The following TNFAIP8 variants were observed in gnomAD, a reference collection of about 807,000 sequenced individuals.
The protein encoded by TNFAIP8 is TNF alpha induced protein 8.
Under a neutral mutation model 13.3 loss-of-function variants are expected in TNFAIP8, and 7 were observed. The ratio of observed to expected loss-of-function variants is 0.52; its 90% CI spans 0.30 to 0.99. The LOEUF is 0.99. TNFAIP8 is among the 50% of genes least tolerant of loss of function. The pLI is 0.07. For synonymous variants in TNFAIP8, 94 were observed against 87.6 expected (o/e 1.07, Z -0.41); for missense variants, 258 against 236.9 (o/e 1.09, Z -0.58).
intron 1 of TNFAIP8, chr5:119,306,608 T>G (rs1749575420): frequency 6.6e-6 from 1 of 152,210 alleles, no homozygotes; most frequent in African/African-American, 2.4e-5. Context: ...GCTGGGACTA[T>G]GGGCACATGC....
At chr5:119,293,039 C>T (rs1749047409) in intron 1 of TNFAIP8, among the ~76,000 whole-genome samples, 1 of 152,032 alleles carries the variant, frequency 6.6e-6, no homozygotes, top group African/African-American at 2.4e-5. Flanking sequence ...TCACCAATGG[C>T]AGGAGTCCTT....
rs1195297133 is a variant in TNFAIP8, at chr5:119,398,986, A to T, written c.*5605A>T. On this transcript the variant is annotated 3_prime_UTR_variant, in exon 2 of 2. Coordinates refer to ENST00000504771, the MANE Select transcript of TNFAIP8 (RefSeq NM_014350.4). ...ATAAATACCTGCTAAGCAAATTATA[A>T]AATACTATAAGACATTTAATCTCCT... is the stretch of plus-strand genomic sequence containing the variant. 6.6e-6 allele frequency: 1 copy of T among 152,148 alleles called. No individual in the cohort carries two copies. The highest frequency in any genetic ancestry group is 2.4e-5 in the African/African-American group (1 of 41,370). The allele number at this position is 152,148 out of a possible 1,614,324, so 9.4% of individuals were successfully genotyped here.
intron 1 of TNFAIP8, among the ~76,000 whole-genome samples, chr5:119,382,370 G>A (rs1752518259): frequency 6.6e-6 from 1 of 152,066 alleles, no homozygotes; most frequent in South Asian, 2.1e-4. Context: ...TGGAGAAGAG[G>A]GATAGTGTTA....
chr5:119,331,338 T>A (rs1250641779), intron 1 of TNFAIP8, among the ~76,000 whole-genome samples: 1 of 152,092 alleles, frequency 6.6e-6, no homozygotes, highest in African/African-American at 2.4e-5. Flanking sequence ...CTGTGATGAC[T>A]CTTCTTTGTT....
chr5:119,332,538 T>C (rs547587840), intron 1 of TNFAIP8, among the ~76,000 whole-genome samples: 1 of 152,200 alleles, frequency 6.6e-6, no homozygotes, highest in East Asian at 1.9e-4. Flanking sequence ...AAGCTTACCA[T>C]GTAGGGAGAG....
At chr5:119,275,819 C>T (rs1424675611) in intron 1 of TNFAIP8, among the ~76,000 whole-genome samples, 7 of 151,256 alleles carry the variant, frequency 4.6e-5, no homozygotes, top group Non-Finnish European at 5.9e-5. Context: ...AGATTGACAG[C>T]TTTTTTTTTC....
intron 1 of TNFAIP8, among the ~76,000 whole-genome samples, chr5:119,358,069 C>T (rs570191879): frequency 2.0e-5 from 3 of 150,064 alleles, no homozygotes; most frequent in Admixed American, 2.0e-4. Flanking sequence ...TCTTCTCTAT[C>T]GTTACTAGTC....
chr5:119,300,982 A>G (rs937198161), intron 1 of TNFAIP8, among the ~76,000 whole-genome samples: 1 of 152,174 alleles, frequency 6.6e-6, no homozygotes, highest in Non-Finnish European at 1.5e-5. Context: ...TAAAAGCATT[A>G]CAAGTGGGCC....
intron 1 of TNFAIP8, among the ~76,000 whole-genome samples, chr5:119,389,688 G>A (rs1248332534): frequency 6.6e-6 from 1 of 152,122 alleles, no homozygotes; most frequent in Non-Finnish European, 1.5e-5. Context: ...CTTGGTGGAG[G>A]GGGAGAAAGA....
chr5:119,330,289 A>G (rs1204595078), intron 1 of TNFAIP8, among the ~76,000 whole-genome samples: 1 of 152,218 alleles, frequency 6.6e-6, no homozygotes, highest in East Asian at 1.9e-4. Context: ...GGTGTTTTGT[A>G]GACATTTCCA....
intron 1 of TNFAIP8, among the ~76,000 whole-genome samples, chr5:119,290,019 C>T (rs1175264973): frequency 6.6e-6 from 1 of 152,176 alleles, no homozygotes; most frequent in African/African-American, 2.4e-5. Context: ...CTAATGATTA[C>T]TAAATGTCTT....
intron 1 of TNFAIP8, among the ~76,000 whole-genome samples, chr5:119,365,818 C>T (rs573391718): frequency 6.6e-6 from 1 of 152,256 alleles, no homozygotes; most frequent in East Asian, 1.9e-4. Context: ...GACTCAACAT[C>T]TTCAGAAGAA....
At chr5:119,322,585 A>G (rs1750093905) in intron 1 of TNFAIP8, among the ~76,000 whole-genome samples, 1 of 152,190 alleles carries the variant, frequency 6.6e-6, no homozygotes, top group African/African-American at 2.4e-5. Context: ...AAACGAGTCC[A>G]TGCTGCTCCC....
At chr5:119,334,655 G>A (rs570691660) in intron 1 of TNFAIP8, among the ~76,000 whole-genome samples, 1 of 149,734 alleles carries the variant, frequency 6.7e-6, no homozygotes, top group South Asian at 2.1e-4. Flanking sequence ...GTGTGTGTGT[G>A]TGTGTATACC....
chr5:119,349,298 A>G (rs1404186103), intron 1 of TNFAIP8, among the ~76,000 whole-genome samples: 2 of 152,230 alleles, frequency 1.3e-5, no homozygotes, highest in African/African-American at 4.8e-5. Flanking sequence ...ATATTTGGAA[A>G]AGTGAAGAGG....
At chr5:119,392,673 G>C in intron 1 of TNFAIP8, 143 bp from the exon 2 acceptor site, 1 of 998,592 alleles carries the variant, frequency 1.0e-6, no homozygotes. Context: ...TCTGAACAGA[G>C]ACTAATGTCG....
intron 1 of TNFAIP8, among the ~76,000 whole-genome samples, chr5:119,386,687 T>C (rs534277887): frequency 1.3e-5 from 2 of 152,322 alleles, no homozygotes; most frequent in African/African-American, 4.8e-5. Flanking sequence ...CTGTCACTGG[T>C]TCTTAACCAC....
chr5:119,283,512 T>C (rs1748694539), intron 1 of TNFAIP8, among the ~76,000 whole-genome samples: 1 of 152,172 alleles, frequency 6.6e-6, no homozygotes, highest in Non-Finnish European at 1.5e-5. Context: ...CCCTGATGGA[T>C]GTGAATGCTT....
intron 1 of TNFAIP8, among the ~76,000 whole-genome samples, chr5:119,301,154 CA>C (rs1321625054): frequency 6.6e-6 from 1 of 152,188 alleles, no homozygotes; most frequent in African/African-American, 2.4e-5. Context: ...TAAAAACCCT[CA>C]ATGAAATGGC....
Sources: allele counts gnomAD v4.1 joint callset (sites outside exome capture counted in the v4.1 genomes callset), GRCh38; gene constraint gnomAD v4.1.1; transcripts MANE v1.5; gene names NCBI Gene and HGNC (gene_info 2026-07-23, HGNC 2026-07-21).